The following MSI2 variants were observed in gnomAD, a reference collection of about 807,000 sequenced individuals.
MSI2 encodes the protein musashi RNA binding protein 2.
A neutral mutation model predicts 45.6 loss-of-function variants in MSI2; 17 were observed. That is an observed-to-expected ratio of 0.37 (90% CI 0.26 to 0.56). The LOEUF (loss-of-function observed/expected upper bound fraction) is 0.56, where lower values mean the gene tolerates loss of function less well. Among genes scored for constraint, MSI2 ranks in the 20% least tolerant of loss-of-function variants. The pLI is 0.77. For missense variants in MSI2, 293 were observed against 444.2 expected (o/e 0.66, Z 3.06); for synonymous variants, 156 against 158.2 (o/e 0.99, Z 0.11).
At chr17:57,539,256 C>T (rs1255635832) in intron 7 of MSI2, among the ~76,000 whole-genome samples, 9 of 149,490 alleles carry the variant, frequency 6.0e-5, no homozygotes, top group Non-Finnish European at 1.0e-4. Context: ...AATCTTGGCT[C>T]GCTGCAATAC....
intron 5 of MSI2, among the ~76,000 whole-genome samples, chr17:57,343,674 A>G (rs532811248): frequency 6.6e-6 from 1 of 152,312 alleles, no homozygotes; most frequent in South Asian, 2.1e-4. Context: ...TCTGTCCTTT[A>G]TAGAATTCTT....
chr17:57,310,787 C>T (rs1049074421), intron 5 of MSI2, among the ~76,000 whole-genome samples: 2 of 152,004 alleles, frequency 1.3e-5, no homozygotes, highest in Non-Finnish European at 2.9e-5. Flanking sequence ...GGATGCTGTG[C>T]AGATAGAGGT....
In MSI2 at chr17:57,681,059, A is replaced by AT. The variant is rs980196249; in HGVS notation, c.*1551dup. ...GTATCACCAGAGAGGCTATGGAAGA[A>AT]TTTTTTTTTAATTTATTGTAGATGT... On this transcript the variant is annotated 3_prime_UTR_variant, in exon 14 of 14. Coordinates refer to ENST00000284073, the MANE Select transcript of MSI2 (RefSeq NM_138962.4). The AT allele has an allele frequency of 1.2e-4, 22 of 184,332 alleles. No individual in the cohort carries two copies. Among genetic ancestry groups the AT allele is most frequent in the African/African-American group, 2.6e-4 (11 of 42,494 alleles). The allele number at this position is 184,332 out of a possible 1,614,324, so 11.4% of individuals were successfully genotyped here. A position where few individuals can be genotyped will look rare whatever the true frequency, so the allele number is the denominator to read the frequency against.
In MSI2 at chr17:57,326,713, A is replaced by G. The variant is rs75403840; in HGVS notation, c.312+64521A>G. 4.7e-3 allele frequency among the ~76,000 whole-genome samples: 720 copies of G among 152,350 alleles called. 5 individuals carry two copies. The highest frequency in any genetic ancestry group is 7.2e-3 in the Non-Finnish European group (490 of 68,022). ...CTCATTTGATCTTAACACTAGCCCT[A>G]TGAGAAGTTACTTATCTTATCCCTG... is the stretch of plus-strand genomic sequence containing the variant. On this transcript the variant is annotated intron_variant, in intron 5 of 13. Transcript: ENST00000284073.
the MSI2 span, among the ~76,000 whole-genome samples, chr17:57,696,858 T>G: frequency 2.0e-5 from 3 of 152,180 alleles, no homozygotes; most frequent in African/African-American, 7.2e-5. Context: ...CACCCAGTCC[T>G]ACCCATCCTT....
intron 6 of MSI2, among the ~76,000 whole-genome samples, chr17:57,468,267 C>T (rs1201861596): frequency 1.3e-5 from 2 of 151,210 alleles, no homozygotes; most frequent in African/African-American, 4.9e-5. Context: ...TGGCTCACAC[C>T]TGTAATCCCA....
intron 7 of MSI2, among the ~76,000 whole-genome samples, chr17:57,560,196 G>A (rs569465689): frequency 5.9e-5 from 9 of 152,320 alleles, no homozygotes; most frequent in Admixed American, 4.6e-4. Context: ...AGTTCATTGC[G>A]TAATGACATC....
intron 9 of MSI2, among the ~76,000 whole-genome samples, chr17:57,620,609 C>T (rs529206758): frequency 5.3e-5 from 8 of 152,296 alleles, no homozygotes; most frequent in Admixed American, 3.3e-4. Flanking sequence ...ACGAATGTGA[C>T]CTGTGCTGTG....
chr17:57,371,745 C>A (rs1322743074), intron 5 of MSI2, among the ~76,000 whole-genome samples: 2 of 151,860 alleles, frequency 1.3e-5, no homozygotes, highest in African/African-American at 4.8e-5. Context: ...TTATAAGTAA[C>A]ATTGTGGAAT....
At chr17:57,480,217 C>T (rs955019823) in intron 6 of MSI2, among the ~76,000 whole-genome samples, 2 of 152,180 alleles carry the variant, frequency 1.3e-5, no homozygotes, top group Non-Finnish European at 2.9e-5. Flanking sequence ...CCTGCCTCAG[C>T]CTCCCAAAGT....
chr17:57,459,383 G>A lies in MSI2; in HGVS notation c.405+57912G>A, dbSNP rs554276234. 1.7e-3 allele frequency among the ~76,000 whole-genome samples: 265 copies of A among 152,256 alleles called. 1 individual carries two copies. The highest frequency in any genetic ancestry group is 3.0e-3 in the Non-Finnish European group (206 of 68,024). On this transcript the variant is annotated intron_variant, in intron 6 of 13. Transcript: ENST00000284073. ...CGGACTTTCTAGAAAAAGGCATCACGCGGCCTGGAGACAGGAAGGGAGAGA... is the reference window on the plus strand; with the variant it reads ...CGGACTTTCTAGAAAAAGGCATCACACGGCCTGGAGACAGGAAGGGAGAGA...
Position 57,627,538 on chromosome 17 carries a change from G to A in MSI2, c.727+235G>A, listed in dbSNP as rs1482726845. 5 of 571,034 alleles carry A rather than the reference G, an allele frequency of 8.8e-6. No individual in the cohort carries two copies. The highest frequency in any genetic ancestry group is 1.6e-5 in the Non-Finnish European group (5 of 321,518). The allele number at this position is 571,034 out of a possible 1,614,324, so 35.4% of individuals were successfully genotyped here. A position where few individuals can be genotyped will look rare whatever the true frequency, so the allele number is the denominator to read the frequency against. On this transcript the variant is annotated intron_variant, in intron 10 of 13. Coordinates refer to ENST00000284073, the MANE Select transcript of MSI2 (RefSeq NM_138962.4). The surrounding 1 kb of genome is among the most constrained non-coding windows in gnomAD (Gnocchi z 4.6). ...TATTTGAGAACGGCAGCTTTTAAAG[G>A]GAAAGCAGAACGGAGGCAGGAGGCC...
chr17:57,369,667 A>G lies in MSI2; in HGVS notation c.313-31712A>G, dbSNP rs553385421. ...AAGGGAAAAGAGGGGCCCAGGGCCC[A>G]CATGTGTGCCAGGTGCTGATCTGAG... On this transcript the variant is annotated intron_variant, in intron 5 of 13. Transcript: ENST00000284073. Among the ~76,000 whole-genome samples the G allele has an allele frequency of 5.9e-5, 9 of 152,362 alleles. No individual in the cohort carries two copies. In the East Asian group the frequency reaches 1.7e-3, roughly 29 times the overall value.
the MSI2 span, among the ~76,000 whole-genome samples, chr17:57,691,120 G>A: frequency 2.0e-5 from 3 of 152,098 alleles, no homozygotes; most frequent in East Asian, 5.8e-4. Flanking sequence ...TTGACTATTT[G>A]TGTGGGTCTT....
chr17:57,607,527 G>A (rs558959075), intron 8 of MSI2, among the ~76,000 whole-genome samples: 5 of 152,318 alleles, frequency 3.3e-5, no homozygotes, highest in South Asian at 2.1e-4. Flanking sequence ...TTGGCCACAC[G>A]CTGGTCCCTG....
intron 8 of MSI2, among the ~76,000 whole-genome samples, chr17:57,610,001 G>A (rs1364544441): frequency 3.3e-5 from 5 of 152,190 alleles, no homozygotes; most frequent in Non-Finnish European, 7.3e-5. Context: ...TGGATATATA[G>A]CTATAAAGGT....
chr17:57,639,818 G>A (rs374393181), intron 10 of MSI2, among the ~76,000 whole-genome samples: 7 of 152,336 alleles, frequency 4.6e-5, no homozygotes, highest in African/African-American at 1.7e-4. Flanking sequence ...CTTTGAAGGT[G>A]CTGGGATTCA....
intron 6 of MSI2, among the ~76,000 whole-genome samples, chr17:57,519,475 C>T (rs2086539727): frequency 6.6e-6 from 1 of 152,174 alleles, no homozygotes; most frequent in Non-Finnish European, 1.5e-5. Context: ...TTCCAGAGCC[C>T]TCTGGCAGTT....
the MSI2 span, among the ~76,000 whole-genome samples, chr17:57,691,307 C>G: frequency 1.3e-5 from 2 of 152,046 alleles, no homozygotes; most frequent in South Asian, 4.2e-4. Context: ...TAGAGTGAAC[C>G]CACCAGCTTT....
Sources: allele counts gnomAD v4.1 joint callset (sites outside exome capture counted in the v4.1 genomes callset), GRCh38; gene constraint gnomAD v4.1.1; non-coding constraint Gnocchi (gnomAD v3.1); transcripts MANE v1.5; gene names NCBI Gene and HGNC (gene_info 2026-07-23, HGNC 2026-07-21).